The following NUMB variants were observed in gnomAD, a reference collection of about 807,000 sequenced individuals.
The protein encoded by NUMB is protein numb homolog.
Under a neutral mutation model 59.7 loss-of-function variants are expected in NUMB, and 29 were observed. That is an observed-to-expected ratio of 0.49 (90% CI 0.36 to 0.66). The LOEUF is 0.66. Among genes scored for constraint, NUMB ranks in the 30% least tolerant of loss-of-function variants. The pLI is 0.00. For missense variants in NUMB, 723 were observed against 822.0 expected, an observed-to-expected ratio of 0.88 and a Z score of 1.47; for synonymous variants, 288 against 288.2, an observed-to-expected ratio of 1.00 and a Z score of 0.01.
chr14:73,305,553 G>A (rs1267974269), intron 6 of NUMB, among the ~76,000 whole-genome samples: 5 of 152,084 alleles, frequency 3.3e-5, no homozygotes, highest in African/African-American at 4.8e-5. Flanking sequence ...ACAGCTCTGC[G>A]GGCATACGCT....
At chr14:73,398,409 A>AGTGTGTGT (rs1392874790) in intron 2 of NUMB, among the ~76,000 whole-genome samples, 1 of 120,232 alleles carries the variant, frequency 8.3e-6, no homozygotes, top group East Asian at 2.3e-4. Context: ...AGAGAGAGAG[A>AGTGTGTGT]GAGAGAGTGT....
intron 1 of NUMB, among the ~76,000 whole-genome samples, chr14:73,422,239 C>A (rs1342575853): frequency 6.6e-6 from 1 of 152,098 alleles, no homozygotes; most frequent in Non-Finnish European, 1.5e-5. Flanking sequence ...GGATGTCAGG[C>A]ACTCCTGGCT....
chr14:73,440,254 T>C (rs1179705547), intron 1 of NUMB, among the ~76,000 whole-genome samples: 4 of 147,346 alleles, frequency 2.7e-5, no homozygotes, highest in Non-Finnish European at 4.5e-5. Flanking sequence ...TATACATCCA[T>C]ATATCTATAG....
intron 2 of NUMB, among the ~76,000 whole-genome samples, chr14:73,380,426 G>A (rs1231911583): frequency 6.6e-6 from 1 of 152,132 alleles, no homozygotes; most frequent in Non-Finnish European, 1.5e-5. Context: ...AAAATGTAAA[G>A]GTTTATGACT....
At chr14:73,447,136 G>A (rs1014604324) in intron 1 of NUMB, among the ~76,000 whole-genome samples, 1 of 149,758 alleles carries the variant, frequency 6.7e-6, no homozygotes, top group African/African-American at 2.5e-5. Flanking sequence ...GCAGTGAGCC[G>A]AGATTGTGCC....
chr14:73,395,042 TG>T (rs1896059699), intron 2 of NUMB, among the ~76,000 whole-genome samples: 3 of 81,914 alleles, frequency 3.7e-5, no homozygotes, highest in African/African-American at 1.0e-4. Context: ...TGTGTTTGTG[TG>T]TGTGTGTGTG....
intron 7 of NUMB, among the ~76,000 whole-genome samples, chr14:73,295,369 C>T (rs1218647964): frequency 6.6e-6 from 1 of 152,142 alleles, no homozygotes; most frequent in Non-Finnish European, 1.5e-5. Flanking sequence ...CTAATGAATG[C>T]CAGTGGTGTA....
intron 1 of NUMB, among the ~76,000 whole-genome samples, chr14:73,454,789 C>T (rs1282637007): frequency 6.6e-6 from 1 of 152,168 alleles, no homozygotes; most frequent in East Asian, 1.9e-4. Context: ...AATAAGTCCA[C>T]TTATTAAAAC....
At chr14:73,284,440 A>C in intron 9 of NUMB, 66 bp from the exon 10 acceptor site, 2 of 1,407,286 alleles carry the variant, frequency 1.4e-6, no homozygotes, top group Non-Finnish European at 1.9e-6. Flanking sequence ...TAGAGAGCTG[A>C]CAAATTCGAA....
At chr14:73,453,092 C>T (rs979525043) in intron 1 of NUMB, among the ~76,000 whole-genome samples, 1 of 151,998 alleles carries the variant, frequency 6.6e-6, no homozygotes, top group Admixed American at 6.6e-5. Context: ...CCTTTTGCCT[C>T]AAGATTTCGA....
intron 2 of NUMB, among the ~76,000 whole-genome samples, chr14:73,387,427 T>C (rs1412426846): frequency 6.6e-6 from 1 of 152,196 alleles, no homozygotes; most frequent in Non-Finnish European, 1.5e-5. Flanking sequence ...AGAAAGGATA[T>C]TGAAGTGCTA....
chr14:73,298,206 C>T (rs533324182), intron 6 of NUMB: 2 of 152,392 alleles, frequency 1.3e-5, no homozygotes, highest in Admixed American at 6.5e-5. Context: ...ATTTTAGAGA[C>T]GAGGTCTCAC....
At chr14:73,316,539 G>A in intron 5 of NUMB, 117 bp from the exon 6 acceptor site, 1 of 908,020 alleles carries the variant, frequency 1.1e-6, no homozygotes, top group African/African-American at 1.7e-5. Context: ...AGAAGGGGTG[G>A]GAGTGAGTTT....
At chr14:73,396,299 T>C (rs1896128164) in intron 2 of NUMB, among the ~76,000 whole-genome samples, 1 of 150,470 alleles carries the variant, frequency 6.6e-6, no homozygotes, top group Admixed American at 6.7e-5. Context: ...ATCTAATCTA[T>C]CTATTTACTT....
intron 5 of NUMB, among the ~76,000 whole-genome samples, chr14:73,322,372 T>TA (rs1201791271): frequency 1.3e-5 from 2 of 152,226 alleles, no homozygotes; most frequent in African/African-American, 4.8e-5. Context: ...TTCTATCGCA[T>TA]AACAGGCAGA....
chr14:73,310,522 G>T (rs1429456361), intron 6 of NUMB, among the ~76,000 whole-genome samples: 1 of 152,200 alleles, frequency 6.6e-6, no homozygotes, highest in Admixed American at 6.5e-5. Context: ...GCAGAGGAAT[G>T]CTTTTTGAAT....
At position 73,396,321 on chromosome 14, in the gene NUMB, G is replaced by GGGGT. The variant is rs1369077920; in HGVS notation, c.-101+13615_-101+13616insACCC. ...CTATCTATTTACTTTAATTATTAGG[G>GGGGT]GTGTGTGTGTGTGTGTGTGTGTGTG... On this transcript the variant is annotated intron_variant, in intron 2 of 12. Transcript: ENST00000555238. Among the ~76,000 whole-genome samples, 5 of 144,326 alleles carry GGGGT rather than the reference G, an allele frequency of 3.5e-5. No homozygotes were observed. In the South Asian group the frequency reaches 9.1e-4, roughly 26 times the overall value. 94.7% of individuals were successfully genotyped at this position (144,326 alleles called of 152,430 possible). A position where few individuals can be genotyped will look rare whatever the true frequency, so the allele number is the denominator to read the frequency against.
intron 4 of NUMB, among the ~76,000 whole-genome samples, chr14:73,353,082 T>C (rs1395707340): frequency 4.8e-5 from 5 of 103,574 alleles, no homozygotes; most frequent in Admixed American, 1.1e-4. Context: ...GTTTTTTTTT[T>C]TTTTTTTTTT....
chr14:73,378,415 G>C (rs1895075011), intron 2 of NUMB, among the ~76,000 whole-genome samples: 1 of 152,154 alleles, frequency 6.6e-6, no homozygotes, highest in Non-Finnish European at 1.5e-5. Flanking sequence ...ATCCAAATGA[G>C]TGGAAAACTT....
Sources: allele counts gnomAD v4.1 joint callset (sites outside exome capture counted in the v4.1 genomes callset), GRCh38; gene constraint gnomAD v4.1.1; transcripts MANE v1.5; gene names NCBI Gene and HGNC (gene_info 2026-07-23, HGNC 2026-07-21).